The following SPAG16 variants were observed in gnomAD, a reference collection of about 807,000 sequenced individuals.
SPAG16 encodes the protein sperm-associated antigen 16 protein.
A neutral mutation model predicts 80.4 loss-of-function variants in SPAG16; 86 were observed. That is an observed-to-expected ratio of 1.07 (90% CI 0.90 to 1.28). The LOEUF (loss-of-function observed/expected upper bound fraction) is 1.28. SPAG16 is among the 50% of genes most tolerant of loss of function. The pLI is 0.00. For synonymous variants in SPAG16, 294 were observed against 265.9 expected, an observed-to-expected ratio of 1.11 and a Z score of -1.03; for missense variants, 870 against 765.3, an observed-to-expected ratio of 1.14 and a Z score of -1.61.
chr2:214,060,182 T>C (rs1417955757), intron 13 of SPAG16, among the ~76,000 whole-genome samples: 1 of 152,130 alleles, frequency 6.6e-6, no homozygotes, highest in Admixed American at 6.5e-5. Flanking sequence ...TTTTTCCCTA[T>C]ACCATCTGCA....
chr2:213,660,695 A>G (rs1302309897), intron 10 of SPAG16, among the ~76,000 whole-genome samples: 2 of 152,198 alleles, frequency 1.3e-5, no homozygotes, highest in Non-Finnish European at 2.9e-5. Context: ...GAATGCATCT[A>G]GACTTGCTGG....
At chr2:213,552,351 G>A (rs1484864506) in intron 10 of SPAG16, among the ~76,000 whole-genome samples, 2 of 152,016 alleles carry the variant, frequency 1.3e-5, no homozygotes, top group South Asian at 2.1e-4. Context: ...CTTTCTTCCC[G>A]AGCCCTGCTT....
chr2:213,616,447 A>T (rs543789180), intron 10 of SPAG16, among the ~76,000 whole-genome samples: 2 of 152,364 alleles, frequency 1.3e-5, no homozygotes, highest in South Asian at 4.1e-4. Context: ...AAAACAAACA[A>T]CAACAAGCAT....
At chr2:213,701,783 C>T (rs553946382) in intron 10 of SPAG16, among the ~76,000 whole-genome samples, 5 of 152,168 alleles carry the variant, frequency 3.3e-5, no homozygotes, top group East Asian at 1.9e-4. Context: ...GGATTGTAAA[C>T]GCACCAATCA....
At chr2:213,381,198 A>G (rs183222509) in intron 9 of SPAG16, among the ~76,000 whole-genome samples, 34 of 152,282 alleles carry the variant, frequency 2.2e-4, no homozygotes, top group Admixed American at 1.1e-3. Context: ...ATTCAGAGCC[A>G]ATTTCTAATT....
intron 15 of SPAG16, among the ~76,000 whole-genome samples, chr2:214,267,848 C>T (rs2125885833): frequency 6.6e-6 from 1 of 151,894 alleles, no homozygotes; most frequent in East Asian, 1.9e-4. Context: ...AGATTGAAAG[C>T]TTCTGCACAG....
Position 213,980,708 on chromosome 2 carries a change from G to GTATATATATATA in SPAG16, c.1401-33242_1401-33241insATATATATATAT, listed in dbSNP as rs796912299. Reference sequence around the variant, plus strand: ...ATATATAGAATATATGTGTGTGTGTGTGTGTATATATATATATAGAGAGAG... The same window carrying GTATATATATATA: ...ATATATAGAATATATGTGTGTGTGTGTATATATATATATGTGTATATATATATATAGAGAGAG... On this transcript the variant is annotated intron_variant, in intron 12 of 15. Transcript: ENST00000331683. Among the ~76,000 whole-genome samples the GTATATATATATA allele has an allele frequency of 5.4e-4, 55 of 102,676 alleles. 1 individual carries two copies. Among genetic ancestry groups the GTATATATATATA allele is most frequent in the Admixed American group, 2.3e-3 (22 of 9,384 alleles). The allele number at this position is 102,676 out of a possible 152,430, so 67.4% of individuals were successfully genotyped here. A position where few individuals can be genotyped will look rare whatever the true frequency, so the allele number is the denominator to read the frequency against.
intron 15 of SPAG16, among the ~76,000 whole-genome samples, chr2:214,216,660 A>G (rs2058440754): frequency 6.6e-6 from 1 of 152,216 alleles, no homozygotes; most frequent in Non-Finnish European, 1.5e-5. Context: ...AGCACAGTAC[A>G]TTTTTGCAGT....
intron 15 of SPAG16, among the ~76,000 whole-genome samples, chr2:214,361,075 A>T (rs1455262764): frequency 6.6e-6 from 1 of 151,826 alleles, no homozygotes; most frequent in African/African-American, 2.4e-5. Context: ...GAAGGGATTC[A>T]CAACTGAATA....
At chr2:213,636,356 T>A (rs1445350553) in intron 10 of SPAG16, among the ~76,000 whole-genome samples, 1 of 152,182 alleles carries the variant, frequency 6.6e-6, no homozygotes, top group Non-Finnish European at 1.5e-5. Flanking sequence ...ACTATAGCCT[T>A]GTAGTATAGT....
chr2:213,496,308 A>C (rs1299511763), intron 10 of SPAG16, among the ~76,000 whole-genome samples: 1 of 152,118 alleles, frequency 6.6e-6, no homozygotes, highest in African/African-American at 2.4e-5. Context: ...AATGATTCCA[A>C]GGTTTTTGGC....
At chr2:213,651,468 A>T (rs1017244255) in intron 10 of SPAG16, among the ~76,000 whole-genome samples, 9 of 152,184 alleles carry the variant, frequency 5.9e-5, no homozygotes, top group Non-Finnish European at 1.0e-4. Context: ...AACCTCTCCC[A>T]AGAGTTTGGG....
chr2:213,771,887 C>G (rs1311300075), intron 10 of SPAG16, among the ~76,000 whole-genome samples: 1 of 152,146 alleles, frequency 6.6e-6, no homozygotes, highest in Non-Finnish European at 1.5e-5. Flanking sequence ...TAGCATAATG[C>G]CTCCAGCTTT....
At chr2:213,913,792 T>A (rs572406495) in intron 11 of SPAG16, among the ~76,000 whole-genome samples, 1 of 152,100 alleles carries the variant, frequency 6.6e-6, no homozygotes, top group Admixed American at 6.6e-5. Context: ...TTGTGGGGAC[T>A]GTTAAGTCCA....
chr2:214,062,223 C>G (rs1229025504), intron 13 of SPAG16, among the ~76,000 whole-genome samples: 1 of 151,838 alleles, frequency 6.6e-6, no homozygotes, highest in Non-Finnish European at 1.5e-5. Flanking sequence ...AGTTCGAGAC[C>G]AGCCTGGACA....
At chr2:213,576,085 G>T (rs577963112) in intron 10 of SPAG16, among the ~76,000 whole-genome samples, 7 of 152,270 alleles carry the variant, frequency 4.6e-5, no homozygotes, top group Admixed American at 2.0e-4. Flanking sequence ...AATCCATCAT[G>T]AGTTAATTTT....
intron 10 of SPAG16, among the ~76,000 whole-genome samples, chr2:213,588,808 C>CAAAAAAAAAAAAAAAAAAAAAAA (rs59813410): frequency 3.5e-5 from 1 of 28,952 alleles, no homozygotes; most frequent in Non-Finnish European, 6.1e-5. Flanking sequence ...GACTCCGTCT[C>CAAAAAAAAAAAAAAAAAAAAAAA]AAAAAAAAAA....
chr2:213,315,777 C>T (rs554337718), intron 4 of SPAG16, among the ~76,000 whole-genome samples: 16 of 151,834 alleles, frequency 1.1e-4, no homozygotes, highest in Admixed American at 5.3e-4. Context: ...TGGCAGCATT[C>T]GTCACTGTTG....
intron 9 of SPAG16, among the ~76,000 whole-genome samples, chr2:213,447,399 T>C (rs922032697): frequency 6.6e-6 from 1 of 152,210 alleles, no homozygotes; most frequent in Non-Finnish European, 1.5e-5. Context: ...GGGGAAACTT[T>C]TCTGTCTGTT....
Sources: gnomAD v4.1 joint callset for allele counts (sites outside exome capture counted in the v4.1 genomes callset) on GRCh38, gnomAD v4.1.1 for gene constraint, MANE v1.5 for transcripts, NCBI Gene and HGNC (gene_info 2026-07-23, HGNC 2026-07-21) for gene names.